SLC30A9: variants seen among roughly 807,000 people sequenced by gnomAD.
SLC30A9 encodes solute carrier family 30 member 9.
In SLC30A9, 58 loss-of-function variants were observed where a neutral mutation model predicts 87.5. The observed-to-expected ratio is 0.66, with a 90% CI of 0.54 to 0.82. SLC30A9 has a LOEUF of 0.82. Among genes scored for constraint, SLC30A9 ranks in the 40% least tolerant of loss-of-function variants. The pLI, the probability that SLC30A9 is intolerant of heterozygous loss-of-function variation, is 0.00. For missense variants in SLC30A9, 557 were observed against 679.1 expected, an observed-to-expected ratio of 0.82 and a Z score of 2.00; for synonymous variants, 234 against 233.0, an observed-to-expected ratio of 1.00 and a Z score of -0.04.
chr4:42,072,799 C>CTATTGTTCT (rs1234314233), intron 15 of SLC30A9, among the ~76,000 whole-genome samples: 3 of 141,060 alleles, frequency 2.1e-5, no homozygotes, highest in Admixed American at 7.3e-5. Flanking sequence ...TCTTCTTGCT[C>CTATTGTTCT]TATTGTTCTA....
intron 7 of SLC30A9, among the ~76,000 whole-genome samples, chr4:42,037,389 T>C (rs1223203222): frequency 6.6e-6 from 1 of 151,944 alleles, no homozygotes; most frequent in Non-Finnish European, 1.5e-5. Flanking sequence ...ATTTAATTTC[T>C]TATATAATAA....
At chr4:42,046,764 C>T (rs1342717970) in intron 8 of SLC30A9, among the ~76,000 whole-genome samples, 1 of 152,144 alleles carries the variant, frequency 6.6e-6, no homozygotes. Flanking sequence ...AAAAAAGAGC[C>T]TGTATAGCCA....
chr4:42,079,685 G>A (rs1027271658), intron 17 of SLC30A9, among the ~76,000 whole-genome samples: 3 of 150,906 alleles, frequency 2.0e-5, no homozygotes, highest in Non-Finnish European at 2.9e-5. Context: ...TCAGCTCACC[G>A]CAGCCTCCGC....
intron 7 of SLC30A9, among the ~76,000 whole-genome samples, chr4:42,038,723 A>G (rs908004231): frequency 6.6e-6 from 1 of 152,338 alleles, no homozygotes; most frequent in African/African-American, 2.4e-5. Flanking sequence ...ACTAGTTTTT[A>G]TGTAGCCAGC....
chr4:42,065,163 C>T, intron 11 of SLC30A9, 147 bp from the exon 12 acceptor site: 1 of 617,828 alleles, frequency 1.6e-6, no homozygotes, highest in Non-Finnish European at 2.9e-6. Flanking sequence ...CATTGTCCTC[C>T]TCATTTGAGT....
chr4:42,004,051 G>T lies in SLC30A9; in HGVS notation c.274+2271G>T, dbSNP rs576862282. ...ATCTTTGTTAGCCACCTTTTCTTAT[G>T]TCTGATCTTTCTGTCTGATGTACAT... On this transcript the variant is annotated intron_variant, in intron 2 of 17. Transcript: ENST00000264451. 3.3e-5 allele frequency among the ~76,000 whole-genome samples: 5 copies of T among 152,256 alleles called. No individual in the cohort carries two copies. The South Asian group carries it at 1.0e-3, about 32-fold the overall frequency.
At position 42,035,340 on chromosome 4, in the gene SLC30A9, A is replaced by G. The variant is rs898815884; in HGVS notation, c.669+7A>G. The G allele has an allele frequency of 3.1e-6, 5 of 1,602,424 alleles. No homozygotes were observed. The African/African-American group carries it at 4.0e-5, about 13-fold the overall frequency. ...TTTCTTGGGAAATACCAAGGTATGG[A>G]TATCTTTGTAATAATGTGTGTGTTT... On this transcript the variant is annotated splice_region_variant and intron_variant, in intron 7 of 17. Coordinates refer to ENST00000264451, the MANE Select transcript of SLC30A9 (RefSeq NM_006345.4).
chr4:42,055,794 G>A (rs990636014), intron 9 of SLC30A9, among the ~76,000 whole-genome samples: 10 of 152,134 alleles, frequency 6.6e-5, no homozygotes, highest in African/African-American at 2.4e-4. Flanking sequence ...CAACTAGAAA[G>A]ATCTTCTAAG....
intron 2 of SLC30A9, among the ~76,000 whole-genome samples, chr4:42,010,364 C>T (rs1715386080): frequency 6.6e-6 from 1 of 152,078 alleles, no homozygotes; most frequent in African/African-American, 2.4e-5. Flanking sequence ...GTAGTCCCAG[C>T]TACTTGGGAG....
At chr4:42,036,811 G>C (rs1716693811) in intron 7 of SLC30A9, among the ~76,000 whole-genome samples, 1 of 152,152 alleles carries the variant, frequency 6.6e-6, no homozygotes, top group Non-Finnish European at 1.5e-5. Context: ...TCCTCTGGTA[G>C]AGCCTTCATA....
intron 2 of SLC30A9, among the ~76,000 whole-genome samples, chr4:42,009,285 G>A (rs949172837): frequency 7.2e-5 from 11 of 152,230 alleles, no homozygotes; most frequent in African/African-American, 1.9e-4. Flanking sequence ...GACCTTGTTA[G>A]CCATCAGACA....
In SLC30A9 at chr4:42,039,023, C is replaced by A; in HGVS notation, c.707C>A (p.Pro236Gln). 6.2e-7 allele frequency: 1 copy of A among 1,613,402 alleles called. No homozygotes were observed. Among genetic ancestry groups the A allele is most frequent in the Non-Finnish European group, 8.5e-7 (1 of 1,179,600 alleles). The change falls in exon 8 of 18, where the codon CCA becomes CAA. Residue 236 changes from proline to glutamine, a missense_variant. Pro to Gln is a moderately conservative substitution (Grantham distance 76). This residue lies in a region of SLC30A9 where 467 missense variants were observed against 529.8 expected (regional missense o/e 0.88). Transcript: ENST00000264451. ...SRTASVFFKGPGKVVMVAICI... is the reference protein window; with the variant it reads ...SRTASVFFKGQGKVVMVAICI... ...ACAGCATCAGTGTTTTTTAAGGGAC[C>A]AGGAAAAGTGGTGATGGTTGCAATT... is the stretch of plus-strand genomic sequence containing the variant.
At chr4:42,063,613 T>C (rs1457578680) in intron 11 of SLC30A9, among the ~76,000 whole-genome samples, 1 of 152,242 alleles carries the variant, frequency 6.6e-6, no homozygotes, top group Non-Finnish European at 1.5e-5. Context: ...TATGATCCCC[T>C]CTGGGGCTTC....
intron 2 of SLC30A9, 71 bp from the exon 3 acceptor site, chr4:42,018,040 T>C: frequency 4.9e-6 from 4 of 820,366 alleles, no homozygotes. Context: ...TTACATTGGC[T>C]AATATTAATT....
chr4:42,071,690 AAAG>A (rs1190395485), intron 15 of SLC30A9, among the ~76,000 whole-genome samples: 1 of 152,058 alleles, frequency 6.6e-6, no homozygotes, highest in African/African-American at 2.4e-5. Flanking sequence ...AAAAAAAAAA[AAAG>A]ATTAGAAGTT....
chr4:42,055,548 G>A (rs941598839), intron 9 of SLC30A9, among the ~76,000 whole-genome samples: 6 of 152,006 alleles, frequency 3.9e-5, no homozygotes, highest in Non-Finnish European at 5.9e-5. Context: ...CACCACGCCC[G>A]GCTAGTTTTT....
intron 17 of SLC30A9, among the ~76,000 whole-genome samples, chr4:42,082,459 G>A (rs927127380): frequency 6.6e-5 from 10 of 152,138 alleles, no homozygotes; most frequent in African/African-American, 2.4e-4. Context: ...TATTTTGGGA[G>A]GTCACACTCA....
chr4:42,003,646 G>A (rs533718510), intron 2 of SLC30A9, among the ~76,000 whole-genome samples: 1 of 152,160 alleles, frequency 6.6e-6, no homozygotes, highest in South Asian at 2.1e-4. Context: ...GATCATCTCT[G>A]TCTTTTAACT....
In SLC30A9 at chr4:42,057,301, C is replaced by T. The variant is rs114142628; in HGVS notation, c.841-2890C>T. On this transcript the variant is annotated intron_variant, in intron 9 of 17. Coordinates refer to ENST00000264451, the MANE Select transcript of SLC30A9 (RefSeq NM_006345.4). ...CCTAGCAGAGGTTGTCCATGAGAGC[C>T]CCGCCTGTGCAGCAAACTTCTACCT... Among the ~76,000 whole-genome samples, 487 of 152,284 alleles carry T rather than the reference C, an allele frequency of 3.2e-3. 2 individuals carry two copies. Among genetic ancestry groups the T allele is most frequent in the African/African-American group, 0.011 (466 of 41,572 alleles).
Sources: gnomAD v4.1 joint callset for allele counts (sites outside exome capture counted in the v4.1 genomes callset) on GRCh38, gnomAD v4.1.1 for gene constraint, gnomAD v4.1.1 regional missense constraint, MANE v1.5 for transcripts, NCBI Gene and HGNC (gene_info 2026-07-23, HGNC 2026-07-21) for gene names.